The following ARL15 variants were observed in gnomAD, a reference collection of about 807,000 sequenced individuals.
ARL15 encodes the protein ARF like GTPase 15, also known as ADP-ribosylation factor-like protein 15.
Under a neutral mutation model 25.2 loss-of-function variants are expected in ARL15, and 19 were observed. That is an observed-to-expected ratio of 0.75 (90% CI 0.53 to 1.10). The LOEUF is 1.10. ARL15 is among the 50% of genes least tolerant of loss of function. ARL15 has a pLI of 0.00. For synonymous variants in ARL15, 94 were observed against 86.8 expected (o/e 1.08, Z -0.46); for missense variants, 220 against 246.0 (o/e 0.89, Z 0.71).
chr5:53,902,515 G>A (rs1017008291), intron 4 of ARL15, among the ~76,000 whole-genome samples: 6 of 152,062 alleles, frequency 3.9e-5, no homozygotes, highest in African/African-American at 9.7e-5. Context: ...TGCAGCTGTC[G>A]GGTATGAAAA....
intron 4 of ARL15, among the ~76,000 whole-genome samples, chr5:54,052,334 A>G (rs1452600144): frequency 6.6e-6 from 1 of 152,202 alleles, no homozygotes; most frequent in Non-Finnish European, 1.5e-5. Context: ...CAATCTAAAT[A>G]TATTATAAAT....
chr5:54,260,618 T>C (rs16882550), intron 1 of ARL15, among the ~76,000 whole-genome samples: 6,392 of 152,250 alleles, frequency 0.042, 298 homozygotes, highest in African/African-American at 0.12. Flanking sequence ...ATAAAAGTCC[T>C]ACTGGTTTCA....
At chr5:54,041,946 G>GT (rs1337712294) in intron 4 of ARL15, among the ~76,000 whole-genome samples, 2 of 151,180 alleles carry the variant, frequency 1.3e-5, no homozygotes, top group African/African-American at 2.4e-5. Flanking sequence ...AAGAGAAGAG[G>GT]TTTTTTTGTT....
At chr5:54,113,558 A>G in intron 3 of ARL15, 148 bp from the exon 4 acceptor site, 1 of 767,812 alleles carries the variant, frequency 1.3e-6, no homozygotes, top group Non-Finnish European at 2.0e-6. Context: ...GAATTTAGAA[A>G]AGGCAGAAAT....
chr5:53,964,565 T>G (rs1054943803), intron 4 of ARL15, among the ~76,000 whole-genome samples: 1 of 152,128 alleles, frequency 6.6e-6, no homozygotes, highest in African/African-American at 2.4e-5. Context: ...CTTCACCGTG[T>G]TAGCCAGGAT....
chr5:54,284,950 T>A (rs1017649112), intron 1 of ARL15, among the ~76,000 whole-genome samples: 1 of 152,234 alleles, frequency 6.6e-6, no homozygotes, highest in Middle Eastern at 3.2e-3. Flanking sequence ...TAATAAATTT[T>A]AAATAATTAT....
chr5:53,926,688 C>G (rs1038973134), intron 4 of ARL15, among the ~76,000 whole-genome samples: 3 of 152,156 alleles, frequency 2.0e-5, no homozygotes, highest in African/African-American at 7.2e-5. Flanking sequence ...GATATCCAAT[C>G]TTACAGAAAT....
At chr5:53,946,862 T>C (rs1409548881) in intron 4 of ARL15, among the ~76,000 whole-genome samples, 1 of 152,190 alleles carries the variant, frequency 6.6e-6, no homozygotes, top group African/African-American at 2.4e-5. Flanking sequence ...TTTGGCTTTT[T>C]ATGCCTGGGA....
chr5:53,964,231 CAGTT>C (rs1424906449), intron 4 of ARL15, among the ~76,000 whole-genome samples: 5 of 152,184 alleles, frequency 3.3e-5, no homozygotes, highest in African/African-American at 1.2e-4. Flanking sequence ...CCACTAAAAT[CAGTT>C]AGTATAGTAT....
chr5:54,248,804 G>C (rs888855857), intron 1 of ARL15, among the ~76,000 whole-genome samples: 2 of 152,122 alleles, frequency 1.3e-5, no homozygotes, highest in African/African-American at 4.8e-5. Context: ...GAACTAATGA[G>C]TATTCAAAGG....
intron 1 of ARL15, among the ~76,000 whole-genome samples, chr5:54,283,139 C>T (rs1758099686): frequency 1.3e-5 from 2 of 152,142 alleles, no homozygotes; most frequent in African/African-American, 4.8e-5. Flanking sequence ...TCCATTGTGG[C>T]AAGGAGGCAA....
At chr5:53,948,863 A>G (rs980217199) in intron 4 of ARL15, among the ~76,000 whole-genome samples, 3 of 152,216 alleles carry the variant, frequency 2.0e-5, no homozygotes, top group African/African-American at 7.2e-5. Flanking sequence ...TTAATGAGAC[A>G]TGCTACTGAA....
chr5:54,071,979 G>GAAAAAAAAAAAAAAAAAA (rs71989027), intron 4 of ARL15, among the ~76,000 whole-genome samples: 17 of 126,166 alleles, frequency 1.3e-4, no homozygotes, highest in South Asian at 4.9e-4. Flanking sequence ...CTCAAAAAAA[G>GAAAAAAAAAAAAAAAAAA]AAAAAAAAAA....
At chr5:54,015,426 T>A (rs1749398906) in intron 4 of ARL15, among the ~76,000 whole-genome samples, 2 of 152,166 alleles carry the variant, frequency 1.3e-5, no homozygotes, top group South Asian at 2.1e-4. Flanking sequence ...GCTCAACCTG[T>A]ATCAGGTATT....
chr5:54,209,219 C>A (rs955770852), intron 1 of ARL15, among the ~76,000 whole-genome samples: 1 of 151,660 alleles, frequency 6.6e-6, no homozygotes, highest in African/African-American at 2.4e-5. Flanking sequence ...GAGAAAAGAG[C>A]GAAATCCTCA....
At chr5:54,180,941 C>T (rs1385273155) in intron 1 of ARL15, among the ~76,000 whole-genome samples, 1 of 152,122 alleles carries the variant, frequency 6.6e-6, no homozygotes, top group Non-Finnish European at 1.5e-5. Flanking sequence ...AGTGCTGCTG[C>T]GCTGAACCAG....
chr5:54,078,967 A>G (rs1022370002), intron 4 of ARL15, among the ~76,000 whole-genome samples: 1 of 152,194 alleles, frequency 6.6e-6, no homozygotes, highest in African/African-American at 2.4e-5. Context: ...TCAATACCTT[A>G]TTTAATTCAA....
At chr5:54,075,137 T>C (rs895883427) in intron 4 of ARL15, among the ~76,000 whole-genome samples, 2 of 144,738 alleles carry the variant, frequency 1.4e-5, no homozygotes, top group African/African-American at 2.6e-5. Flanking sequence ...TAAGTTAAAG[T>C]CTCCTGGCCC....
rs888923482 is a variant in ARL15 at position 54,163,381 on chromosome 5, T to G, written c.193+8403A>C. On this transcript the variant is annotated intron_variant, in intron 2 of 4. Transcript: ENST00000504924. ...CTTTTTTTTTTTTTTTTTTTTTTTT[T>G]TTTTTTTTTTTTTGTAATGTCTCTG... 2.5e-3 allele frequency among the ~76,000 whole-genome samples: 270 copies of G among 106,432 alleles called. 7 individuals carry two copies. Among genetic ancestry groups the G allele is most frequent in the African/African-American group, 7.8e-3 (256 of 32,980 alleles). The allele number at this position is 106,432 out of a possible 152,430, so 69.8% of individuals were successfully genotyped here.
Sources: allele counts gnomAD v4.1 joint callset (sites outside exome capture counted in the v4.1 genomes callset), GRCh38; gene constraint gnomAD v4.1.1; transcripts MANE v1.5; gene names NCBI Gene and HGNC (gene_info 2026-07-23, HGNC 2026-07-21).